Variants in KDM4C observed in about 807,000 individuals in gnomAD.
The protein encoded by KDM4C is lysine demethylase 4C, also known as lysine-specific demethylase 4C.
A neutral mutation model predicts 129.3 loss-of-function variants in KDM4C; 81 were observed. The ratio of observed to expected loss-of-function variants is 0.63; its 90% CI spans 0.52 to 0.75. The LOEUF (loss-of-function observed/expected upper bound fraction) is 0.75, where lower values mean the gene tolerates loss of function less well. Ranked by LOEUF, KDM4C falls within the 30% of genes least tolerant of loss-of-function variation. The pLI is 0.00. For missense variants in KDM4C, 1,457 were observed against 1,304.0 expected, an observed-to-expected ratio of 1.12 and a Z score of -1.81; for synonymous variants, 573 against 456.1, an observed-to-expected ratio of 1.26 and a Z score of -3.26.
chr9:7,088,839 G>GA (rs1191315077), intron 17 of KDM4C, among the ~76,000 whole-genome samples: 7 of 149,018 alleles, frequency 4.7e-5, no homozygotes, highest in African/African-American at 1.0e-4. Flanking sequence ...TGTTATTTTG[G>GA]AAAAAAAAGA....
intron 8 of KDM4C, among the ~76,000 whole-genome samples, chr9:6,930,249 A>G (rs972217070): frequency 2.6e-5 from 4 of 152,274 alleles, no homozygotes; most frequent in African/African-American, 7.2e-5. Context: ...TTGGATATGT[A>G]TGTTGAATTT....
At chr9:6,878,031 G>C (rs574735913) in intron 5 of KDM4C, among the ~76,000 whole-genome samples, 1 of 152,208 alleles carries the variant, frequency 6.6e-6, no homozygotes, top group Non-Finnish European at 1.5e-5. Context: ...ACAGGGATAA[G>C]CATGGAGATG....
intron 12 of KDM4C, among the ~76,000 whole-genome samples, chr9:7,011,313 C>A (rs551273596): frequency 1.3e-5 from 2 of 152,216 alleles, no homozygotes; most frequent in Non-Finnish European, 2.9e-5. Flanking sequence ...AGTTTCTGGA[C>A]TGTGAATTCC....
chr9:7,061,544 A>G (rs1000632462), intron 17 of KDM4C, among the ~76,000 whole-genome samples: 13 of 105,062 alleles, frequency 1.2e-4, no homozygotes, highest in Non-Finnish European at 2.2e-4. Flanking sequence ...TGGGCATTTT[A>G]TTGGGAAGAG....
At position 7,020,692 on chromosome 9, in the gene KDM4C, T is replaced by C. The variant is rs182182039; in HGVS notation, c.2259+4763T>C. 6.1e-3 allele frequency among the ~76,000 whole-genome samples: 917 copies of C among 151,486 alleles called. 14 individuals are homozygous for C. The highest frequency in any genetic ancestry group is 0.02 in the African/African-American group (829 of 41,286). On this transcript the variant is annotated intron_variant, in intron 15 of 21. Transcript: ENST00000381309. ...TTTATTTGTAATTTTTTTGGTATGT[T>C]GTAAGTGTATATATTTATGGGTTAC...
intron 15 of KDM4C, among the ~76,000 whole-genome samples, chr9:7,028,968 C>G (rs1392937814): frequency 6.6e-6 from 1 of 152,166 alleles, no homozygotes; most frequent in Non-Finnish European, 1.5e-5. Flanking sequence ...TCTTCAGTGC[C>G]TCTTTCAGTG....
chr9:6,746,246 T>TTATATATATATATA (rs749012885), intron 1 of KDM4C, among the ~76,000 whole-genome samples: 86 of 116,002 alleles, frequency 7.4e-4, no homozygotes, highest in South Asian at 1.3e-3. Flanking sequence ...CAGCCAGCCA[T>TTATATATATATATA]TATATATATA....
chr9:7,086,059 G>T (rs1002228128), intron 17 of KDM4C, among the ~76,000 whole-genome samples: 18 of 152,180 alleles, frequency 1.2e-4, no homozygotes, highest in Non-Finnish European at 1.5e-5. Context: ...TCGGGAGGCT[G>T]AGGCAGGAGA....
At chr9:6,824,127 A>G (rs1003953788) in intron 4 of KDM4C, among the ~76,000 whole-genome samples, 6 of 152,232 alleles carry the variant, frequency 3.9e-5, no homozygotes, top group Non-Finnish European at 7.3e-5. Context: ...GACAGTGAAT[A>G]TTGGGTAAAA....
chr9:7,056,048 G>A (rs568917106), intron 17 of KDM4C, among the ~76,000 whole-genome samples: 13 of 152,236 alleles, frequency 8.5e-5, no homozygotes, highest in African/African-American at 3.1e-4. Context: ...CATAGGCTCA[G>A]GTATTTTTAA....
chr9:6,876,604 C>G lies in KDM4C; in HGVS notation c.630-3408C>G, dbSNP rs115937281. Among the ~76,000 whole-genome samples, 333 of 152,230 alleles carry G rather than the reference C, an allele frequency of 2.2e-3. 1 individual carries two copies. Among genetic ancestry groups the G allele is most frequent in the African/African-American group, 7.5e-3 (313 of 41,522 alleles). On this transcript the variant is annotated intron_variant, in intron 5 of 21. Coordinates refer to ENST00000381309, the MANE Select transcript of KDM4C (RefSeq NM_015061.6). ...TCTCTTCTCATGGCATGCTTTGAAA[C>G]AGATTAGAGTTGTGTTTGGCTTCAA...
intron 17 of KDM4C, among the ~76,000 whole-genome samples, chr9:7,060,679 A>T (rs1333351425): frequency 6.6e-6 from 1 of 151,810 alleles, no homozygotes; most frequent in Non-Finnish European, 1.5e-5. Flanking sequence ...ACAGGGTTTC[A>T]CCATGTTGGC....
chr9:6,880,400 T>G (rs1226368105), intron 6 of KDM4C, among the ~76,000 whole-genome samples: 4 of 152,222 alleles, frequency 2.6e-5, no homozygotes, highest in Non-Finnish European at 5.9e-5. Flanking sequence ...TAATTTTTTT[T>G]TAAATTAAGT....
intron 8 of KDM4C, among the ~76,000 whole-genome samples, chr9:6,937,597 C>T (rs1284352671): frequency 6.6e-6 from 1 of 152,130 alleles, no homozygotes; most frequent in Non-Finnish European, 1.5e-5. Flanking sequence ...GCACATGCTG[C>T]TCTAGCAGGC....
chr9:7,125,833 A>G (rs899683371), intron 18 of KDM4C, among the ~76,000 whole-genome samples: 1 of 152,186 alleles, frequency 6.6e-6, no homozygotes, highest in Non-Finnish European at 1.5e-5. Flanking sequence ...GGGCCTTCCC[A>G]GCAGGTCAGA....
chr9:6,760,614 A>C (rs1451312008), intron 1 of KDM4C, among the ~76,000 whole-genome samples: 2 of 151,828 alleles, frequency 1.3e-5, no homozygotes, highest in East Asian at 3.9e-4. Context: ...TCTGTTGCCC[A>C]GGCTGGAGTG....
rs1255937958 is a variant in KDM4C, at chr9:6,934,835, TACC to T, written c.921+41605_921+41607del. On this transcript the variant is annotated intron_variant, in intron 8 of 21. Coordinates refer to ENST00000381309, the MANE Select transcript of KDM4C (RefSeq NM_015061.6). Reference sequence around the variant, plus strand: ...TTTTTCCAAAAAAATAAGATTTTATTACCAAGATGAGGCAAAGTTGTTAATATT... The same window carrying T: ...TTTTTCCAAAAAAATAAGATTTTATTAAGATGAGGCAAAGTTGTTAATATT... 2.6e-5 allele frequency among the ~76,000 whole-genome samples: 4 copies of T among 152,244 alleles called. No individual in the cohort carries two copies. The East Asian group carries it at 7.7e-4, about 29-fold the overall frequency.
At chr9:7,044,538 CA>C (rs1829102130) in intron 15 of KDM4C, among the ~76,000 whole-genome samples, 1 of 151,890 alleles carries the variant, frequency 6.6e-6, no homozygotes, top group Admixed American at 6.6e-5. Flanking sequence ...GTGGGATTGA[CA>C]GAACTCAGTT....
At chr9:7,022,002 C>A (rs988999242) in intron 15 of KDM4C, among the ~76,000 whole-genome samples, 2 of 152,176 alleles carry the variant, frequency 1.3e-5, no homozygotes, top group African/African-American at 4.8e-5. Context: ...CTATTCTCTT[C>A]CACTGATCTA....
Sources: allele counts gnomAD v4.1 joint callset (sites outside exome capture counted in the v4.1 genomes callset), GRCh38; gene constraint gnomAD v4.1.1; transcripts MANE v1.5; gene names NCBI Gene and HGNC (gene_info 2026-07-23, HGNC 2026-07-21).